The following MORC4 variants were observed in gnomAD, a reference collection of about 807,000 sequenced individuals.
MORC4 encodes MORC family CW-type zinc finger 4.
In MORC4, 22 loss-of-function variants were observed where a neutral mutation model predicts 65.5. That is an observed-to-expected ratio of 0.34 (90% CI 0.24 to 0.48). MORC4 has a LOEUF of 0.48. Ranked by LOEUF, MORC4 falls within the 20% of genes least tolerant of loss-of-function variation. The pLI is 0.99. For missense variants in MORC4, 624 were observed against 703.0 expected, an observed-to-expected ratio of 0.89 and a Z score of 1.27; for synonymous variants, 267 against 255.8, an observed-to-expected ratio of 1.04 and a Z score of -0.42.
At chrX:106,999,627 T>C in intron 2 of MORC4, 50 bp downstream of exon 2, 1 of 1,048,928 alleles carries the variant, frequency 9.5e-7, no homozygotes, top group Non-Finnish European at 1.3e-6. Flanking sequence ...GGCACCACGC[T>C]GGCACCACTG....
At chrX:106,972,430 C>T (rs924236032) in intron 9 of MORC4, among the ~76,000 whole-genome samples, 4 of 110,617 alleles carry the variant, frequency 3.6e-5, no homozygotes, top group Admixed American at 1.9e-4. Context: ...CAAAATTGCA[C>T]GTTCTGCACA....
intron 14 of MORC4, among the ~76,000 whole-genome samples, chrX:106,946,776 T>C (rs764342393): frequency 1.8e-5 from 2 of 111,600 alleles, no homozygotes; most frequent in Non-Finnish European, 3.8e-5. Flanking sequence ...GCCTTCCAAG[T>C]AGCTGGAACT....
intron 3 of MORC4, among the ~76,000 whole-genome samples, chrX:106,988,070 T>C (rs1248126804): frequency 8.9e-6 from 1 of 111,905 alleles, no homozygotes; most frequent in Non-Finnish European, 1.9e-5. Context: ...AAACATTAAT[T>C]TTAAACTAAC....
chrX:106,941,862 C>A, intron 16 of MORC4, 76 bp downstream of exon 16: 1 of 1,042,506 alleles, frequency 9.6e-7, no homozygotes, highest in Non-Finnish European at 1.3e-6. Context: ...CCTTTGTCTA[C>A]GGCCAGTAAG....
In MORC4 at chrX:106,942,944, G is replaced by A. The variant is rs1933730607; in HGVS notation, c.1947C>T (p.Ala649=). Residue 649 remains alanine (A), a synonymous_variant, in exon 15 of 17, where the codon GCC becomes GCT. Coordinates refer to ENST00000355610, the MANE Select transcript of MORC4 (RefSeq NM_024657.5). ...NREVSILYPG[A]KDQRQGSLLP... ...GCAGGGACCCCTGGCGTTGGTCTTTGGCCCCTGGATACAGAATTGAAACCT... is the reference window on the plus strand; with the variant it reads ...GCAGGGACCCCTGGCGTTGGTCTTTAGCCCCTGGATACAGAATTGAAACCT... 3 of 1,209,724 alleles carry A rather than the reference G, an allele frequency of 2.5e-6. No homozygotes were observed. Among genetic ancestry groups the A allele is most frequent in the Non-Finnish European group, 3.4e-6 (3 of 895,071 alleles).
In MORC4 at chrX:106,941,419, G is replaced by C; in HGVS notation, c.*60C>G. The C allele has an allele frequency of 1.1e-6, 1 of 946,081 alleles. No homozygotes were observed. Among genetic ancestry groups the C allele is most frequent in the African/African-American group, 2.1e-5 (1 of 48,696 alleles). 78.0% of individuals were successfully genotyped at this position (946,081 alleles called of 1,213,427 possible). A position where few individuals can be genotyped will look rare whatever the true frequency, so the allele number is the denominator to read the frequency against. Reference sequence around the variant, plus strand: ...GAGAGAGAGAGAGAGAGACGTGAGGGAGGGAGAGAAAAGAGAACAGACAGA... The same window carrying C: ...GAGAGAGAGAGAGAGAGACGTGAGGCAGGGAGAGAAAAGAGAACAGACAGA... On this transcript the variant is annotated 3_prime_UTR_variant, in exon 17 of 17. Transcript: ENST00000355610.
intron 16 of MORC4, 119 bp downstream of exon 16, chrX:106,941,815 TACTC>T: frequency 1.2e-6 from 1 of 858,406 alleles, no homozygotes; most frequent in Admixed American, 3.1e-5. Context: ...AAGAAGTAAT[TACTC>T]AATTCTTGGT....
At chrX:106,955,149 G>C in intron 13 of MORC4, 61 bp from the exon 14 acceptor site, 1 of 858,692 alleles carries the variant, frequency 1.2e-6, no homozygotes, top group Non-Finnish European at 1.7e-6. Flanking sequence ...CAAAGGATGA[G>C]TCAATCCTTC....
intron 9 of MORC4, among the ~76,000 whole-genome samples, chrX:106,973,070 C>T (rs190500125): frequency 2.8e-4 from 32 of 112,592 alleles, no homozygotes; most frequent in African/African-American, 1.0e-3. Flanking sequence ...TGCTACCCTT[C>T]AGGAAAAAGG....
chrX:106,942,045 C>T lies in MORC4; in HGVS notation c.2553G>A (p.Glu851=). The part of the protein sequence containing the change: ...ILKAELERTK[E]EKQELKEKLK... The stretch of plus-strand genomic sequence containing the variant: ...GTTTCTCTTTTAACTCTTGCTTTTC[C>T]TCTTTGGTTCTTTCCAGCTCAGCTT... Residue 851 remains glutamate, a synonymous_variant, in exon 16 of 17, where the codon GAG becomes GAA. Transcript: ENST00000355610. The T allele has an allele frequency of 8.3e-7, 1 of 1,211,335 alleles. No homozygotes were observed. The highest frequency in any genetic ancestry group is 1.1e-6 in the Non-Finnish European group (1 of 895,372).
At chrX:106,946,813 T>G (rs1465796461) in intron 14 of MORC4, among the ~76,000 whole-genome samples, 1 of 111,391 alleles carries the variant, frequency 9.0e-6, no homozygotes, top group Non-Finnish European at 1.9e-5. Flanking sequence ...AGCTAATTTT[T>G]GTATTTTCTG....
chrX:106,979,707 G>A (rs1292927380), intron 7 of MORC4, among the ~76,000 whole-genome samples: 1 of 110,596 alleles, frequency 9.0e-6, no homozygotes, highest in African/African-American at 3.3e-5. Context: ...GTAACATATA[G>A]AATGCATGCA....
At chrX:106,945,063 C>T (rs917471458) in intron 14 of MORC4, among the ~76,000 whole-genome samples, 2 of 112,259 alleles carry the variant, frequency 1.8e-5, no homozygotes, top group African/African-American at 6.5e-5. Flanking sequence ...TAAACATTTA[C>T]TGAGCACTTA....
intron 3 of MORC4, among the ~76,000 whole-genome samples, chrX:106,990,207 C>A (rs1240354596): frequency 1.8e-5 from 2 of 109,397 alleles, no homozygotes; most frequent in African/African-American, 6.6e-5. Context: ...AAAATAGAAT[C>A]CTTTGCTGGA....
intron 5 of MORC4, among the ~76,000 whole-genome samples, chrX:106,983,712 C>A (rs1602502813): frequency 1.0e-5 from 1 of 98,629 alleles, no homozygotes; most frequent in Admixed American, 1.1e-4. Flanking sequence ...TTTTCTACTT[C>A]TTTTTTTTTT....
chrX:106,943,866 G>A (rs1189096214), intron 14 of MORC4, among the ~76,000 whole-genome samples: 1 of 112,631 alleles, frequency 8.9e-6, no homozygotes, highest in African/African-American at 3.2e-5. Context: ...AGCACAAGCA[G>A]ACACTCCCTG....
At chrX:106,976,925 C>G (rs1266041219) in intron 8 of MORC4, among the ~76,000 whole-genome samples, 3 of 111,358 alleles carry the variant, frequency 2.7e-5, no homozygotes, top group Non-Finnish European at 3.8e-5. Flanking sequence ...CCCTAGGAGT[C>G]TTCTGCAATT....
At chrX:106,963,886 C>CA (rs200832719) in intron 9 of MORC4, among the ~76,000 whole-genome samples, 1,062 of 100,413 alleles carry the variant, frequency 0.011, 12 homozygotes, top group Middle Eastern at 0.029. Context: ...AAAACAACAA[C>CA]AACAACAAAA....
chrX:106,958,506 C>T, intron 10 of MORC4, 42 bp from the exon 11 acceptor site: 1 of 1,129,113 alleles, frequency 8.9e-7, no homozygotes, highest in Non-Finnish European at 1.2e-6. Context: ...TATATCTTAG[C>T]TCTGTGCTTT....
Sources: allele counts gnomAD v4.1 joint callset (sites outside exome capture counted in the v4.1 genomes callset), GRCh38; gene constraint gnomAD v4.1.1; transcripts MANE v1.5; gene names NCBI Gene and HGNC (gene_info 2026-07-23, HGNC 2026-07-21).